The following MYCBP2 variants were observed in gnomAD, a reference collection of about 807,000 sequenced individuals.
MYCBP2 encodes the protein E3 ubiquitin-protein ligase MYCBP2.
MYCBP2 carries 120 observed loss-of-function variants against 525.3 expected under a neutral mutation model. The ratio of observed to expected loss-of-function variants is 0.23; its 90% CI spans 0.20 to 0.27. The LOEUF is 0.27. MYCBP2 is among the 10% of genes least tolerant of loss of function. The probability of loss-of-function intolerance (pLI) is 1.00; values close to 1 mark genes in which losing one functional copy is unlikely to be tolerated. For missense variants in MYCBP2, 4,149 were observed against 5,657.1 expected (o/e 0.73, Z 8.55); for synonymous variants, 1,894 against 1,955.8 (o/e 0.97, Z 0.83).
chr13:77,257,891 A>G, intron 13 of MYCBP2, 62 bp from the exon 14 acceptor site: 1 of 1,383,994 alleles, frequency 7.2e-7, no homozygotes, highest in Non-Finnish European at 9.7e-7. Context: ...CTAGTAAAAG[A>G]ACTACCTCAA....
chr13:77,288,460 A>G, intron 2 of MYCBP2, 84 bp from the exon 3 acceptor site: 2 of 1,159,134 alleles, frequency 1.7e-6, no homozygotes, highest in Non-Finnish European at 2.4e-6. Flanking sequence ...GATTAGACAC[A>G]CTAACTGACT....
intron 62 of MYCBP2, among the ~76,000 whole-genome samples, chr13:77,085,403 A>C (rs2044073583): frequency 6.6e-6 from 1 of 152,208 alleles, no homozygotes; most frequent in Non-Finnish European, 1.5e-5. Flanking sequence ...AAAAGAATGT[A>C]AACAACTATA....
rs141065113 is a variant in MYCBP2, at chr13:77,095,207, C to T, written c.10199+151G>A. The T allele has an allele frequency of 3.4e-5, 30 of 893,638 alleles. No homozygotes were observed. The African/African-American group carries it at 4.0e-4, about 12-fold the overall frequency. The allele number at this position is 893,638 out of a possible 1,614,324, so 55.4% of individuals were successfully genotyped here. Reference sequence around the variant, plus strand: ...ATTACCATAAAGTCATTATGTCAGTCAAGGCAACTCAAAAAATAAATGCCT... The same window carrying T: ...ATTACCATAAAGTCATTATGTCAGTTAAGGCAACTCAAAAAATAAATGCCT... On this transcript the variant is annotated intron_variant, in intron 58 of 82. Transcript: ENST00000544440.
At chr13:77,076,439 T>G (rs2042311475) in intron 68 of MYCBP2, among the ~76,000 whole-genome samples, 1 of 152,168 alleles carries the variant, frequency 6.6e-6, no homozygotes, top group East Asian at 1.9e-4. Context: ...ACAGTACTTT[T>G]GAGCTGAACT....
intron 11 of MYCBP2, 135 bp downstream of exon 11, chr13:77,261,918 T>C: frequency 2.9e-6 from 2 of 684,700 alleles, no homozygotes; most frequent in South Asian, 2.7e-5. Flanking sequence ...TTTTATCTTA[T>C]AAAAAATAAT....
chr13:77,108,881 TTTTAGTA>T (rs557591750), intron 55 of MYCBP2, among the ~76,000 whole-genome samples: 1 of 152,152 alleles, frequency 6.6e-6, no homozygotes, highest in South Asian at 2.1e-4. Context: ...TTTTTTGTAT[TTTTAGTA>T]GAGACGGGGT....
Position 77,098,701 on chromosome 13 carries a change from C to T in MYCBP2, c.8453G>A (p.Arg2818Gln), listed in dbSNP as rs768383835. ...AGTCTTTGGCTTAGGAGATGACAAC[C>T]GAGAACCTGGTCCTGGGGATTCAGC... ...SRAESPGPGSRLSSPKPKTLP... is the reference protein window; with the variant it reads ...SRAESPGPGSQLSSPKPKTLP... Residue 2818 changes from arginine to glutamine, a missense_variant, in exon 56 of 83, where the codon CGG (arginine) becomes CAG (glutamine). Around this residue, in one of 21 missense-constraint regions of MYCBP2, gnomAD observed 653 missense variants for 744.7 expected, o/e 0.88. Transcript: ENST00000544440. The T allele has an allele frequency of 3.4e-5, 55 of 1,613,452 alleles. No individual in the cohort carries two copies. Among genetic ancestry groups the T allele is most frequent in the Non-Finnish European group, 4.0e-5 (47 of 1,179,736 alleles).
intron 20 of MYCBP2, among the ~76,000 whole-genome samples, chr13:77,222,518 G>A (rs900355514): frequency 5.9e-5 from 9 of 152,086 alleles, no homozygotes; most frequent in African/African-American, 2.2e-4. Context: ...AGTGCCCACA[G>A]ATCTGACCCT....
chr13:77,271,331 C>T (rs1247324859), intron 5 of MYCBP2, among the ~76,000 whole-genome samples: 1 of 152,126 alleles, frequency 6.6e-6, no homozygotes, highest in Non-Finnish European at 1.5e-5. Context: ...AAGAGTTCAA[C>T]CCTCCAGAAA....
intron 55 of MYCBP2, among the ~76,000 whole-genome samples, chr13:77,111,985 G>A (rs1306717032): frequency 6.6e-6 from 1 of 152,118 alleles, no homozygotes; most frequent in Non-Finnish European, 1.5e-5. Context: ...CATGCATGAA[G>A]TTTCTCAAGT....
Position 77,243,041 on chromosome 13 carries a change from T to C in MYCBP2, c.2629+18A>G. The C allele has an allele frequency of 6.2e-7, 1 of 1,608,682 alleles. No individual in the cohort carries two copies. On this transcript the variant is annotated intron_variant, in intron 17 of 82. Coordinates refer to ENST00000544440, the MANE Select transcript of MYCBP2 (RefSeq NM_015057.5). ...AAAGTGGATTTTCATGTACTTTTTC[T>C]CTGTAGCTACATCTTACCTCTTCCT...
intron 32 of MYCBP2, among the ~76,000 whole-genome samples, chr13:77,183,291 CTT>C (rs1016313244): frequency 2.6e-5 from 4 of 151,994 alleles, no homozygotes; most frequent in African/African-American, 9.7e-5. Context: ...TTCCAAAAGA[CTT>C]TGTAAAAGGT....
chr13:77,282,544 T>G (rs1453623233), intron 3 of MYCBP2, among the ~76,000 whole-genome samples: 2 of 152,224 alleles, frequency 1.3e-5, no homozygotes, highest in African/African-American at 4.8e-5. Flanking sequence ...TCAAAACTTT[T>G]CAACTTTTCA....
intron 73 of MYCBP2, 125 bp downstream of exon 73, chr13:77,064,490 C>A: frequency 9.4e-7 from 1 of 1,064,146 alleles, no homozygotes; most frequent in Non-Finnish European, 1.3e-6. Flanking sequence ...TCAATAAATA[C>A]GGTATTTGGT....
In MYCBP2 at chr13:77,070,711, C is replaced by T. The variant is rs753944185; in HGVS notation, c.11824G>A (p.Ala3942Thr). 15 of 1,573,734 alleles carry T rather than the reference C, an allele frequency of 9.5e-6. No individual in the cohort carries two copies. Among genetic ancestry groups the T allele is most frequent in the South Asian group, 1.2e-5 (1 of 83,412 alleles). ...TCTTTCAGGTCAGCATCTGATGTTG[C>T]CTTTACATAGAAAAAGAAAAAAAAA... ...SPEGEEKVYN[A>T]TSDADLKEHM... is the part of the protein sequence containing the mutation. Residue 3942 changes from alanine to threonine, a missense_variant and splice_region_variant, in exon 69 of 83, where the codon GCA (alanine) becomes ACA (threonine). Physicochemically the swap from Ala to Thr is moderately conservative, Grantham distance 58. Around this residue, in one of 21 missense-constraint regions of MYCBP2, gnomAD observed 509 missense variants for 789.4 expected, o/e 0.64. Coordinates refer to ENST00000544440, the MANE Select transcript of MYCBP2 (RefSeq NM_015057.5).
At chr13:77,057,118 A>T in intron 78 of MYCBP2, 25 bp from the exon 79 acceptor site, 1 of 1,466,152 alleles carries the variant, frequency 6.8e-7, no homozygotes, top group South Asian at 1.1e-5. Flanking sequence ...AGAAAAGGAC[A>T]TAAGCAAATA....
intron 62 of MYCBP2, among the ~76,000 whole-genome samples, chr13:77,086,176 A>G (rs1009086299): frequency 1.3e-5 from 2 of 152,072 alleles, no homozygotes; most frequent in African/African-American, 4.8e-5. Context: ...TTATTCTGGA[A>G]ATGTCTTTGG....
At chr13:77,136,774 C>A (rs1487115513) in intron 52 of MYCBP2, among the ~76,000 whole-genome samples, 2 of 152,166 alleles carry the variant, frequency 1.3e-5, no homozygotes, top group Non-Finnish European at 1.5e-5. Flanking sequence ...TCTCCCTCAA[C>A]CTCTTCCCTT....
At chr13:77,158,835 T>C (rs1038031330) in intron 44 of MYCBP2, among the ~76,000 whole-genome samples, 2 of 152,148 alleles carry the variant, frequency 1.3e-5, no homozygotes, top group Non-Finnish European at 2.9e-5. Flanking sequence ...GGTCTTGACT[T>C]GGGTAAAAAG....
Sources: allele counts gnomAD v4.1 joint callset (sites outside exome capture counted in the v4.1 genomes callset), GRCh38; gene constraint gnomAD v4.1.1; regional missense constraint gnomAD v4.1.1; transcripts MANE v1.5; gene names NCBI Gene and HGNC (gene_info 2026-07-23, HGNC 2026-07-21).